Variants in IGFL2 observed in about 807,000 individuals in gnomAD.
IGFL2 encodes insulin growth factor-like family member 2.
Under a neutral mutation model 13.9 loss-of-function variants are expected in IGFL2, and 7 were observed. That is an observed-to-expected ratio of 0.51 (90% CI 0.29 to 0.95). The LOEUF (loss-of-function observed/expected upper bound fraction) is 0.95. IGFL2 is among the 40% of genes least tolerant of loss of function. IGFL2 has a pLI of 0.08. For missense variants in IGFL2, 138 were observed against 147.8 expected (o/e 0.93, Z 0.34); for synonymous variants, 55 against 55.8 (o/e 0.99, Z 0.07).
the IGFL2 span, chr19:46,200,661 G>A: frequency 6.6e-6 from 1 of 151,912 alleles, no homozygotes; most frequent in African/African-American, 2.4e-5. Flanking sequence ...GACCACAGGT[G>A]TGTGCCACCA....
At chr19:46,182,681 C>T in the IGFL2 span, among the ~76,000 whole-genome samples, 7 of 152,272 alleles carry the variant, frequency 4.6e-5, no homozygotes, top group South Asian at 2.1e-4. Context: ...GTGTCAGCCA[C>T]GGTGTTGCAT....
the IGFL2 span, among the ~76,000 whole-genome samples, chr19:46,180,293 C>T: frequency 6.6e-6 from 1 of 151,864 alleles, no homozygotes; most frequent in Non-Finnish European, 1.5e-5. Context: ...ATTCTCCTGC[C>T]ACAGCCTCAC....
chr19:46,143,919 C>T (rs781337469), upstream of IGFL2, among the ~76,000 whole-genome samples: 1 of 152,220 alleles, frequency 6.6e-6, no homozygotes, highest in Non-Finnish European at 1.5e-5. Flanking sequence ...TTGAATGCCC[C>T]ATGCAGGCAA....
At chr19:46,119,756 C>T in the IGFL2 span, among the ~76,000 whole-genome samples, 4 of 147,980 alleles carry the variant, frequency 2.7e-5, no homozygotes, top group South Asian at 2.2e-4. Context: ...GTGCCTCACT[C>T]GCTCAGCCTG....
chr19:46,174,577 C>G, the IGFL2 span, among the ~76,000 whole-genome samples: 1 of 152,114 alleles, frequency 6.6e-6, no homozygotes, highest in Admixed American at 6.5e-5. Context: ...TCAATTTTCC[C>G]TAGTGACAAG....
chr19:46,170,568 G>T, the IGFL2 span, among the ~76,000 whole-genome samples: 2 of 152,166 alleles, frequency 1.3e-5, no homozygotes, highest in Admixed American at 6.5e-5. Context: ...CCTGTGGGCT[G>T]GGCAGGACAG....
the IGFL2 span, chr19:46,124,619 A>C: frequency 6.2e-7 from 1 of 1,607,616 alleles, no homozygotes; most frequent in Non-Finnish European, 8.5e-7. Flanking sequence ...TTGGGGTCCT[A>C]CTTGCCCAAG....
the IGFL2 span, among the ~76,000 whole-genome samples, chr19:46,103,707 C>T: frequency 6.6e-6 from 1 of 152,050 alleles, no homozygotes; most frequent in African/African-American, 2.4e-5. Flanking sequence ...GGGGTGCAAT[C>T]CAAGTGGGAG....
chr19:46,110,377 ACAAT>A, the IGFL2 span, among the ~76,000 whole-genome samples: 1 of 152,178 alleles, frequency 6.6e-6, no homozygotes, highest in East Asian at 1.9e-4. Flanking sequence ...CTGCAACAAC[ACAAT>A]CACTCACTGC....
chr19:46,152,204 C>CTTTTTTTATCT (rs1044931429), intron 1 of IGFL2, among the ~76,000 whole-genome samples: 1 of 148,908 alleles, frequency 6.7e-6, no homozygotes, highest in Non-Finnish European at 1.5e-5. Context: ...ATGTTGATCT[C>CTTTTTTTATCT]TTTTATCTTA....
the IGFL2 span, among the ~76,000 whole-genome samples, chr19:46,085,578 AC>A: frequency 0.037 from 5,571 of 152,222 alleles, 153 homozygotes; most frequent in East Asian, 0.072. Flanking sequence ...TCTTTATCTA[AC>A]ATGCTCCTCT....
chr19:46,147,447 T>C (rs1011427214), upstream of IGFL2, among the ~76,000 whole-genome samples: 34 of 152,340 alleles, frequency 2.2e-4, no homozygotes, highest in African/African-American at 7.9e-4. Context: ...TCTATTCTTA[T>C]CAGCTTGCCT....
chr19:46,195,337 C>T, the IGFL2 span, among the ~76,000 whole-genome samples: 1 of 151,840 alleles, frequency 6.6e-6, no homozygotes. Context: ...AATTAATGAC[C>T]CTTGTTATCA....
At chr19:46,128,773 G>A in the IGFL2 span, among the ~76,000 whole-genome samples, 1 of 152,122 alleles carries the variant, frequency 6.6e-6, no homozygotes, top group Non-Finnish European at 1.5e-5. Context: ...TTTTTGCATT[G>A]ATGTTCATCA....
the IGFL2 span, chr19:46,214,759 T>G: frequency 6.6e-6 from 1 of 152,370 alleles, no homozygotes; most frequent in South Asian, 2.1e-4. Flanking sequence ...TGAAGAGGTA[T>G]CCAATAAACA....
the IGFL2 span, among the ~76,000 whole-genome samples, chr19:46,182,934 T>C: frequency 6.6e-6 from 1 of 152,054 alleles, no homozygotes; most frequent in Non-Finnish European, 1.5e-5. Flanking sequence ...TTTCTCCCTT[T>C]CTCCTCATAC....
At chr19:46,184,273 T>C in the IGFL2 span, among the ~76,000 whole-genome samples, 1 of 152,120 alleles carries the variant, frequency 6.6e-6, no homozygotes, top group Non-Finnish European at 1.5e-5. Flanking sequence ...TCTTTTTTTT[T>C]TCTTTTTTAA....
the IGFL2 span, among the ~76,000 whole-genome samples, chr19:46,103,981 A>T: frequency 6.6e-6 from 1 of 152,126 alleles, no homozygotes; most frequent in African/African-American, 2.4e-5. Context: ...GGTACTAGAG[A>T]TGACTAAGTA....
At chr19:46,168,174 AT>A in the IGFL2 span, among the ~76,000 whole-genome samples, 48 of 152,238 alleles carry the variant, frequency 3.2e-4, 1 homozygote, top group African/African-American at 1.1e-3. Flanking sequence ...GCCTCAAATG[AT>A]TCTCTTGCCT....
Sources: allele counts gnomAD v4.1 joint callset (sites outside exome capture counted in the v4.1 genomes callset), GRCh38; gene constraint gnomAD v4.1.1; transcripts MANE v1.5; gene names NCBI Gene and HGNC (gene_info 2026-07-23, HGNC 2026-07-21).